The following LDB2 variants were observed in gnomAD, a reference collection of about 807,000 sequenced individuals.
LDB2 encodes LIM domain binding 2, also known as LIM domain-binding protein 2.
In LDB2, 12 loss-of-function variants were observed where a neutral mutation model predicts 44.3. That is an observed-to-expected ratio of 0.27 (90% CI 0.17 to 0.44). The LOEUF is 0.44. Among genes scored for constraint, LDB2 ranks in the 20% least tolerant of loss-of-function variants. The pLI is 1.00. For synonymous variants in LDB2, 164 were observed against 174.8 expected, an observed-to-expected ratio of 0.94 and a Z score of 0.49; for missense variants, 344 against 473.5, an observed-to-expected ratio of 0.73 and a Z score of 2.54.
intron 2 of LDB2, among the ~76,000 whole-genome samples, chr4:16,699,712 G>T (rs1002926183): frequency 6.6e-6 from 1 of 152,282 alleles, no homozygotes. Context: ...AAATGCCAAA[G>T]ATAGATTTAT....
intron 1 of LDB2, among the ~76,000 whole-genome samples, chr4:16,861,390 T>A (rs773631746): frequency 3.9e-5 from 6 of 152,160 alleles, no homozygotes; most frequent in Non-Finnish European, 7.3e-5. Context: ...ACCTATTAGA[T>A]GCCAATAGTG....
chr4:16,530,759 C>G (rs1186589873), intron 5 of LDB2, among the ~76,000 whole-genome samples: 2 of 152,148 alleles, frequency 1.3e-5, no homozygotes, highest in Admixed American at 1.3e-4. Flanking sequence ...GAAATAGATT[C>G]ACCTGAGCCA....
At chr4:16,684,735 T>C (rs543808587) in intron 2 of LDB2, among the ~76,000 whole-genome samples, 14 of 152,298 alleles carry the variant, frequency 9.2e-5, no homozygotes, top group African/African-American at 3.1e-4. Context: ...CACATTATCA[T>C]CTATGAGGGA....
At chr4:16,713,027 G>A (rs1756275201) in intron 2 of LDB2, among the ~76,000 whole-genome samples, 3 of 152,162 alleles carry the variant, frequency 2.0e-5, no homozygotes, top group African/African-American at 7.2e-5. Flanking sequence ...GCAATAGAAA[G>A]GAACGAAGTA....
At chr4:16,572,356 C>T (rs931768799) in intron 5 of LDB2, among the ~76,000 whole-genome samples, 1 of 152,116 alleles carries the variant, frequency 6.6e-6, no homozygotes, top group Non-Finnish European at 1.5e-5. Flanking sequence ...GCCAATTTCC[C>T]ACCTTACCGT....
chr4:16,671,839 C>T (rs1051278314), intron 2 of LDB2, among the ~76,000 whole-genome samples: 5 of 151,966 alleles, frequency 3.3e-5, no homozygotes, highest in Non-Finnish European at 5.9e-5. Flanking sequence ...AATGAAATTA[C>T]ACTGTCCAGG....
At chr4:16,657,126 GA>G (rs990205574) in intron 2 of LDB2, among the ~76,000 whole-genome samples, 2 of 152,166 alleles carry the variant, frequency 1.3e-5, no homozygotes, top group African/African-American at 4.8e-5. Context: ...ACAATATAAA[GA>G]GATATTTTCA....
intron 1 of LDB2, among the ~76,000 whole-genome samples, chr4:16,825,368 A>G (rs926804610): frequency 6.6e-6 from 1 of 152,196 alleles, no homozygotes; most frequent in Non-Finnish European, 1.5e-5. Context: ...GACCCAGAGA[A>G]TGAGGAATAC....
At chr4:16,859,413 AT>A (rs1439174960) in intron 1 of LDB2, among the ~76,000 whole-genome samples, 2 of 152,204 alleles carry the variant, frequency 1.3e-5, no homozygotes, top group African/African-American at 4.8e-5. Flanking sequence ...ATTAAACCGC[AT>A]TTTGAAAGCC....
At chr4:16,740,425 C>A (rs533855782) in intron 2 of LDB2, among the ~76,000 whole-genome samples, 3 of 152,222 alleles carry the variant, frequency 2.0e-5, no homozygotes, top group Admixed American at 6.5e-5. Flanking sequence ...TTAGCTACAT[C>A]GCACATCTTT....
intron 3 of LDB2, among the ~76,000 whole-genome samples, chr4:16,590,293 A>G (rs1459249035): frequency 6.6e-6 from 1 of 152,256 alleles, no homozygotes; most frequent in Non-Finnish European, 1.5e-5. Flanking sequence ...GCTAAAAACA[A>G]ACATACAACA....
At chr4:16,740,372 G>A (rs1762991755) in intron 2 of LDB2, among the ~76,000 whole-genome samples, 1 of 152,216 alleles carries the variant, frequency 6.6e-6, no homozygotes, top group Non-Finnish European at 1.5e-5. Flanking sequence ...GAGCCTTGGA[G>A]GTTTATAGGT....
At chr4:16,644,966 G>GAT (rs981140712) in intron 2 of LDB2, among the ~76,000 whole-genome samples, 4 of 152,106 alleles carry the variant, frequency 2.6e-5, no homozygotes, top group African/African-American at 9.7e-5. Flanking sequence ...TGGCCCAACT[G>GAT]ATATATAGAC....
intron 1 of LDB2, among the ~76,000 whole-genome samples, chr4:16,797,091 A>G (rs1421013646): frequency 2.0e-5 from 3 of 152,190 alleles, no homozygotes; most frequent in African/African-American, 4.8e-5. Context: ...TCCTTGGTAT[A>G]TGCAGAGAAT....
At chr4:16,590,142 G>T (rs531739630) in intron 3 of LDB2, among the ~76,000 whole-genome samples, 1 of 152,132 alleles carries the variant, frequency 6.6e-6, no homozygotes, top group African/African-American at 2.4e-5. Flanking sequence ...CTTCTCAGGG[G>T]CTCTGCTGGG....
At chr4:16,506,035 GA>G in intron 7 of LDB2, 1 of 1,532,700 alleles carries the variant, frequency 6.5e-7, no homozygotes, top group Non-Finnish European at 8.8e-7. Context: ...GCCCTCGCCA[GA>G]CACACACATC....
chr4:16,781,156 A>C (rs765507956), intron 1 of LDB2, among the ~76,000 whole-genome samples: 4 of 152,154 alleles, frequency 2.6e-5, no homozygotes, highest in Non-Finnish European at 4.4e-5. Flanking sequence ...ATTTGGAGGG[A>C]AGCCTCAGAA....
At chr4:16,853,396 T>G (rs2110200849) in intron 1 of LDB2, among the ~76,000 whole-genome samples, 1 of 152,250 alleles carries the variant, frequency 6.6e-6, no homozygotes, top group African/African-American at 2.4e-5. Flanking sequence ...TCAACATTAT[T>G]AATAGCAGAG....
chr4:16,584,867 G>T (rs1000743121), intron 5 of LDB2, among the ~76,000 whole-genome samples: 2 of 152,196 alleles, frequency 1.3e-5, no homozygotes, highest in Non-Finnish European at 2.9e-5. Flanking sequence ...GCAGCTAAAA[G>T]ATGTAACTAA....
Sources: allele counts gnomAD v4.1 joint callset (sites outside exome capture counted in the v4.1 genomes callset), GRCh38; gene constraint gnomAD v4.1.1; transcripts MANE v1.5; gene names NCBI Gene and HGNC (gene_info 2026-07-23, HGNC 2026-07-21).